Variants in KCNQ5 observed in about 807,000 individuals in gnomAD.
The protein encoded by KCNQ5 is potassium voltage-gated channel subfamily Q member 5, also known as potassium voltage-gated channel subfamily KQT member 5.
In KCNQ5, 30 loss-of-function variants were observed where a neutral mutation model predicts 98.2. That is an observed-to-expected ratio of 0.31 (90% CI 0.23 to 0.41). KCNQ5 has a LOEUF of 0.41. KCNQ5 is among the 10% of genes least tolerant of loss of function. The pLI is 1.00. For missense variants in KCNQ5, 835 were observed against 1,182.5 expected (o/e 0.71, Z 4.31); for synonymous variants, 458 against 449.4 (o/e 1.02, Z -0.24).
At chr6:72,934,281 A>G (rs974523413) in intron 1 of KCNQ5, among the ~76,000 whole-genome samples, 20 of 152,180 alleles carry the variant, frequency 1.3e-4, no homozygotes, top group Admixed American at 9.8e-4. Flanking sequence ...ATATATATCA[A>G]TGATGATGGT....
chr6:72,858,720 A>G (rs1777632125), intron 1 of KCNQ5, among the ~76,000 whole-genome samples: 1 of 151,998 alleles, frequency 6.6e-6, no homozygotes, highest in African/African-American at 2.4e-5. Flanking sequence ...TCTGTTGTCT[A>G]ACGCTTCCAT....
chr6:73,169,821 C>G lies in KCNQ5; in HGVS notation c.1544C>G (p.Thr515Ser). Reference sequence around the variant, plus strand: ...TGTGATGTATCAGTGGAAGACCTCACCCCACCACTTAAAACTGTCATTCGA... The same window carrying G: ...TGTGATGTATCAGTGGAAGACCTCAGCCCACCACTTAAAACTGTCATTCGA... ...CQCDVSVEDL[T>S]PPLKTVIRAI... The change falls in exon 11 of 14, where the codon ACC (threonine) becomes AGC (serine). Residue 515 changes from threonine to serine, a missense_variant. By Grantham distance (58) the Thr-to-Ser change is moderately conservative. Coordinates refer to ENST00000370398, the MANE Select transcript of KCNQ5 (RefSeq NM_019842.4). The G allele has an allele frequency of 1.2e-6, 2 of 1,612,938 alleles. No homozygotes were observed. The highest frequency in any genetic ancestry group is 1.7e-6 in the Non-Finnish European group (2 of 1,178,936).
In KCNQ5 at chr6:73,041,981, A is replaced by G; in HGVS notation, c.535A>G (p.Ile179Val). 1 of 1,613,850 alleles carries G rather than the reference A, an allele frequency of 6.2e-7. No homozygotes were observed. The highest frequency in any genetic ancestry group is 8.5e-7 in the Non-Finnish European group (1 of 1,179,810). ...CTTTGGTTTGGAGTTCATCATTCGA[A>G]TCTGGTCTGCGGGTTGCTGTTGTCG... Reference protein sequence around the residue: ...VVFGLEFIIRIWSAGCCCRYR... With the variant: ...VVFGLEFIIRVWSAGCCCRYR... Residue 179 changes from isoleucine to valine, a missense_variant, in exon 3 of 14, where the codon ATC (isoleucine) becomes GTC (valine). Transcript: ENST00000370398.
chr6:73,042,721 G>C (rs1771768930), intron 3 of KCNQ5, among the ~76,000 whole-genome samples: 1 of 152,152 alleles, frequency 6.6e-6, no homozygotes, highest in Non-Finnish European at 1.5e-5. Context: ...TTGTTTCTGA[G>C]AGACATCATT....
intron 2 of KCNQ5, among the ~76,000 whole-genome samples, chr6:73,029,498 GT>G (rs34556698): frequency 6.6e-4 from 98 of 148,088 alleles, no homozygotes; most frequent in African/African-American, 2.0e-3. Context: ...CCTCAACTCA[GT>G]TTTTTTTTTT....
intron 1 of KCNQ5, among the ~76,000 whole-genome samples, chr6:72,996,326 G>A (rs1045855885): frequency 1.3e-5 from 2 of 152,148 alleles, no homozygotes; most frequent in East Asian, 1.9e-4. Flanking sequence ...CACAGTCTCC[G>A]AAACCTAAAA....
chr6:72,788,127 GAGTGGGGAAGAAA>G, intron 1 of KCNQ5, among the ~76,000 whole-genome samples: 1 of 152,328 alleles, frequency 6.6e-6, no homozygotes, highest in East Asian at 1.9e-4. Flanking sequence ...ACGGATGAAT[GAGTGGGGAAGAAA>G]AGTGGGGAAA....
At chr6:72,865,989 T>A (rs1198339183) in intron 1 of KCNQ5, among the ~76,000 whole-genome samples, 1 of 152,202 alleles carries the variant, frequency 6.6e-6, no homozygotes, top group Non-Finnish European at 1.5e-5. Flanking sequence ...ATATACTATA[T>A]CTTGAGAGCT....
intron 2 of KCNQ5, among the ~76,000 whole-genome samples, chr6:73,028,822 C>T (rs1017449450): frequency 6.6e-6 from 1 of 152,180 alleles, no homozygotes; most frequent in African/African-American, 2.4e-5. Flanking sequence ...TCAGTCCTCT[C>T]ATATATCATT....
chr6:72,951,243 T>G (rs985460510), intron 1 of KCNQ5, among the ~76,000 whole-genome samples: 2 of 152,084 alleles, frequency 1.3e-5, no homozygotes, highest in African/African-American at 4.8e-5. Context: ...AGCCTTCTTT[T>G]GTTGTTGTTG....
intron 1 of KCNQ5, among the ~76,000 whole-genome samples, chr6:72,857,977 A>C (rs1777600615): frequency 6.6e-6 from 1 of 152,204 alleles, no homozygotes; most frequent in Non-Finnish European, 1.5e-5. Flanking sequence ...TGCCTCATAG[A>C]ACTTGCATTC....
intron 1 of KCNQ5, among the ~76,000 whole-genome samples, chr6:72,925,930 C>T (rs1765399624): frequency 6.6e-6 from 1 of 152,156 alleles, no homozygotes. Context: ...TGAGAAGCTA[C>T]AGAAGAGTTT....
chr6:72,869,337 T>C (rs574854522), intron 1 of KCNQ5, among the ~76,000 whole-genome samples: 1 of 152,260 alleles, frequency 6.6e-6, no homozygotes, highest in South Asian at 2.1e-4. Flanking sequence ...CGATGGACAC[T>C]ACAGGCGAGG....
In KCNQ5 at chr6:72,870,443, G is replaced by A. The variant is rs564680290; in HGVS notation, c.399-133465G>A. 1.8e-4 allele frequency among the ~76,000 whole-genome samples: 27 copies of A among 152,008 alleles called. No homozygotes were observed. In the South Asian group the frequency reaches 5.2e-3, roughly 29 times the overall value. On this transcript the variant is annotated intron_variant, in intron 1 of 13. Coordinates refer to ENST00000370398, the MANE Select transcript of KCNQ5 (RefSeq NM_019842.4). ...TTTTGTATTTTTTTGTAGACATGGG[G>A]TTTCGCCATGTTGTCCAGGCTGCTC...
At chr6:73,005,807 G>A (rs995228791) in intron 2 of KCNQ5, among the ~76,000 whole-genome samples, 5 of 152,144 alleles carry the variant, frequency 3.3e-5, no homozygotes, top group Non-Finnish European at 7.3e-5. Context: ...ATATATATTC[G>A]CAGAAACCTG....
At chr6:72,687,042 T>C (rs1767994527) in intron 1 of KCNQ5, among the ~76,000 whole-genome samples, 1 of 152,204 alleles carries the variant, frequency 6.6e-6, no homozygotes, top group Non-Finnish European at 1.5e-5. Context: ...TTTAGGACAG[T>C]TCTTAACTTA....
At chr6:72,986,824 G>T in intron 1 of KCNQ5, 1 of 1,208,290 alleles carries the variant, frequency 8.3e-7, no homozygotes, top group Admixed American at 1.7e-5. Context: ...AGGAAACAAA[G>T]GGGGCCCAGG....
intron 1 of KCNQ5, among the ~76,000 whole-genome samples, chr6:72,688,985 T>C (rs915174832): frequency 2.0e-5 from 3 of 152,160 alleles, no homozygotes; most frequent in Admixed American, 6.5e-5. Context: ...AGAAAAACAT[T>C]ATAGCTATAA....
chr6:72,941,550 T>TCCCTCCCTTCCTTCCTTCCCC (rs772075673), intron 1 of KCNQ5, among the ~76,000 whole-genome samples: 6 of 37,394 alleles, frequency 1.6e-4, no homozygotes, highest in Non-Finnish European at 2.5e-4. Context: ...TTCCTTTCCT[T>TCCCTCCCTTCCTTCCTTCCCC]CTTCCCTCCC....
Sources: allele counts gnomAD v4.1 joint callset (sites outside exome capture counted in the v4.1 genomes callset), GRCh38; gene constraint gnomAD v4.1.1; transcripts MANE v1.5; gene names NCBI Gene and HGNC (gene_info 2026-07-23, HGNC 2026-07-21).